The following FRMD6 variants were observed in gnomAD, a reference collection of about 807,000 sequenced individuals.
The protein encoded by FRMD6 is FERM domain-containing protein 6.
In FRMD6, 37 loss-of-function variants were observed where a neutral mutation model predicts 73.2. That is an observed-to-expected ratio of 0.51 (90% CI 0.39 to 0.66). The LOEUF is 0.66. FRMD6 is among the 30% of genes least tolerant of loss of function. FRMD6 has a pLI of 0.00. For synonymous variants in FRMD6, 273 were observed against 282.2 expected, an observed-to-expected ratio of 0.97 and a Z score of 0.33; for missense variants, 714 against 780.5, an observed-to-expected ratio of 0.91 and a Z score of 1.02.
the FRMD6 span, among the ~76,000 whole-genome samples, chr14:51,479,336 G>A: frequency 6.6e-6 from 1 of 152,186 alleles, no homozygotes; most frequent in East Asian, 1.9e-4. Flanking sequence ...GGTCACTCTT[G>A]TAGGGTAGAG....
At chr14:51,724,303 T>TTTGATAGGA (rs1421766683) in intron 12 of FRMD6, 4 of 152,176 alleles carry the variant, frequency 2.6e-5, no homozygotes, top group Admixed American at 2.6e-4. Flanking sequence ...GTTGGTTAAG[T>TTTGATAGGA]GTTTTGAGCA....
chr14:51,581,010 A>G (rs1366038434), intron 2 of FRMD6, among the ~76,000 whole-genome samples: 2 of 152,202 alleles, frequency 1.3e-5, no homozygotes, highest in African/African-American at 4.8e-5. Context: ...TGTGGCCTTC[A>G]AAAATTAAAT....
the FRMD6 span, among the ~76,000 whole-genome samples, chr14:51,446,663 A>G: frequency 3.3e-5 from 5 of 152,240 alleles, no homozygotes; most frequent in Non-Finnish European, 7.3e-5. Context: ...AATATTGGCA[A>G]TGATCAATAA....
the FRMD6 span, among the ~76,000 whole-genome samples, chr14:51,482,674 CTGTG>C: frequency 3.4e-5 from 5 of 148,740 alleles, no homozygotes; most frequent in African/African-American, 1.0e-4. Flanking sequence ...TTTGCAGGAA[CTGTG>C]TGTGTGTGTG....
the FRMD6 span, among the ~76,000 whole-genome samples, chr14:51,455,444 T>C: frequency 1.3e-5 from 2 of 152,240 alleles, no homozygotes; most frequent in Admixed American, 1.3e-4. Flanking sequence ...GCCTATAAAC[T>C]TCTTGACCTT....
chr14:51,426,539 A>G, the FRMD6 span, among the ~76,000 whole-genome samples: 1 of 152,140 alleles, frequency 6.6e-6, no homozygotes, highest in Non-Finnish European at 1.5e-5. Context: ...GACTATATGT[A>G]TTTTTGCACT....
chr14:51,482,825 C>T, the FRMD6 span, among the ~76,000 whole-genome samples: 7 of 152,104 alleles, frequency 4.6e-5, no homozygotes, highest in East Asian at 3.9e-4. Flanking sequence ...CTCAGCCTCC[C>T]GAGTAGCTGG....
intron 2 of FRMD6, among the ~76,000 whole-genome samples, chr14:51,642,366 C>G (rs1891851894): frequency 6.6e-6 from 1 of 152,070 alleles, no homozygotes; most frequent in Non-Finnish European, 1.5e-5. Context: ...ATTGTGAAAC[C>G]CTGTCTCTAC....
chr14:51,612,908 A>G (rs1324313781), intron 2 of FRMD6, among the ~76,000 whole-genome samples: 1 of 152,220 alleles, frequency 6.6e-6, no homozygotes, highest in Non-Finnish European at 1.5e-5. Context: ...GTGCTATAAG[A>G]GTCCAAAAGT....
chr14:51,537,419 C>T (rs1360863239), intron 1 of FRMD6, among the ~76,000 whole-genome samples: 4 of 152,180 alleles, frequency 2.6e-5, no homozygotes, highest in South Asian at 2.1e-4. Flanking sequence ...AAGGCTACCT[C>T]GGCTGCTTCT....
chr14:51,532,143 C>T (rs943953837), intron 1 of FRMD6, among the ~76,000 whole-genome samples: 3 of 151,976 alleles, frequency 2.0e-5, no homozygotes, highest in South Asian at 4.2e-4. Flanking sequence ...CCGAGGTGGG[C>T]GGATCACGAG....
At chr14:51,525,215 G>C (rs1277231645) in intron 1 of FRMD6, among the ~76,000 whole-genome samples, 1 of 151,660 alleles carries the variant, frequency 6.6e-6, no homozygotes, top group Admixed American at 6.6e-5. Flanking sequence ...CAAACAGAAG[G>C]GAAAATGAAG....
At chr14:51,608,198 C>A (rs990176370) in intron 2 of FRMD6, among the ~76,000 whole-genome samples, 1 of 152,148 alleles carries the variant, frequency 6.6e-6, no homozygotes, top group Non-Finnish European at 1.5e-5. Context: ...CCAGGACTGC[C>A]GACCTAGGCA....
intron 2 of FRMD6, chr14:51,579,141 C>T (rs1239664243): frequency 2.0e-5 from 3 of 151,952 alleles, no homozygotes; most frequent in Non-Finnish European, 4.4e-5. Flanking sequence ...GGAGGAGGCG[C>T]CTTCCAGTAA....
chr14:51,473,530 A>G, the FRMD6 span, among the ~76,000 whole-genome samples: 1 of 152,016 alleles, frequency 6.6e-6, no homozygotes, highest in African/African-American at 2.4e-5. Context: ...TGTTCTACAC[A>G]CCCTCCATTG....
chr14:51,680,628 C>G (rs1163536604), intron 1 of FRMD6, among the ~76,000 whole-genome samples: 1 of 151,120 alleles, frequency 6.6e-6, no homozygotes, highest in East Asian at 1.9e-4. Context: ...TTTTTTTTCT[C>G]TTTGATTTAG....
At chr14:51,535,673 C>T (rs759112038) in intron 1 of FRMD6, among the ~76,000 whole-genome samples, 1 of 152,158 alleles carries the variant, frequency 6.6e-6, no homozygotes, top group East Asian at 1.9e-4. Context: ...CTATGAGTAA[C>T]GTTGCTATAA....
intron 2 of FRMD6, among the ~76,000 whole-genome samples, chr14:51,571,933 C>G (rs1418046494): frequency 6.6e-6 from 1 of 152,222 alleles, no homozygotes; most frequent in Non-Finnish European, 1.5e-5. Context: ...TCAAGTGTCT[C>G]TCCTTTGCAT....
At chr14:51,502,606 G>A (rs1596502944) in intron 1 of FRMD6, among the ~76,000 whole-genome samples, 1 of 152,138 alleles carries the variant, frequency 6.6e-6, no homozygotes, top group Admixed American at 6.5e-5. Flanking sequence ...CTGTAGCCTT[G>A]TAGTATAGTT....
Sources: allele counts gnomAD v4.1 joint callset (sites outside exome capture counted in the v4.1 genomes callset), GRCh38; gene constraint gnomAD v4.1.1; transcripts MANE v1.5; gene names NCBI Gene and HGNC (gene_info 2026-07-23, HGNC 2026-07-21).